ILDR2: variants seen among roughly 807,000 people sequenced by gnomAD.
The protein encoded by ILDR2 is immunoglobulin like domain containing receptor 2.
In ILDR2, 25 loss-of-function variants were observed where a neutral mutation model predicts 66.8. The ratio of observed to expected loss-of-function variants is 0.37; its 90% CI spans 0.27 to 0.52. The LOEUF is 0.52. ILDR2 is among the 20% of genes least tolerant of loss of function. The pLI, the probability that ILDR2 is intolerant of heterozygous loss-of-function variation, is 0.88. For missense variants in ILDR2, 827 were observed against 876.8 expected, an observed-to-expected ratio of 0.94 and a Z score of 0.72; for synonymous variants, 367 against 357.2, an observed-to-expected ratio of 1.03 and a Z score of -0.31.
At chr1:166,952,405 T>C (rs1662033758) in intron 3 of ILDR2, among the ~76,000 whole-genome samples, 2 of 152,354 alleles carry the variant, frequency 1.3e-5, no homozygotes, top group African/African-American at 4.8e-5. Flanking sequence ...CATTTCCATC[T>C]TCACAATGAC....
intron 7 of ILDR2, among the ~76,000 whole-genome samples, chr1:166,925,846 C>T (rs1419002939): frequency 6.6e-6 from 1 of 152,176 alleles, no homozygotes; most frequent in Non-Finnish European, 1.5e-5. Context: ...TTAGTTTTAA[C>T]CTTAGCTGTT....
In ILDR2 at chr1:166,912,588, T is replaced by G. The variant is rs1659494672; in HGVS notation, c.*6767A>C. ...AGTTAAATCTACATGTTAACATTTTTAAGTTAACTACTTAAAAAAAATTGA... is the reference window on the plus strand; with the variant it reads ...AGTTAAATCTACATGTTAACATTTTGAAGTTAACTACTTAAAAAAAATTGA... On this transcript the variant is annotated 3_prime_UTR_variant, in exon 10 of 10. Coordinates refer to ENST00000271417, the MANE Select transcript of ILDR2 (RefSeq NM_199351.3). 6.6e-6 allele frequency: 1 copy of G among 152,228 alleles called. No homozygotes were observed. The highest frequency in any genetic ancestry group is 6.5e-5 in the Admixed American group (1 of 15,280). The allele number at this position is 152,228 out of a possible 1,614,324, so 9.4% of individuals were successfully genotyped here.
intron 3 of ILDR2, among the ~76,000 whole-genome samples, chr1:166,948,118 A>G (rs1351865110): frequency 6.6e-6 from 1 of 152,150 alleles, no homozygotes; most frequent in Non-Finnish European, 1.5e-5. Context: ...ATAGGTCCCC[A>G]GGAACGAAAT....
chr1:166,970,253 T>C (rs1456336643), intron 1 of ILDR2, among the ~76,000 whole-genome samples: 1 of 152,196 alleles, frequency 6.6e-6, no homozygotes, highest in African/African-American at 2.4e-5. Context: ...GCTCCATTTG[T>C]TCTTCTGAAA....
intron 3 of ILDR2, chr1:166,943,831 G>A (rs1049560917): frequency 6.6e-5 from 65 of 985,132 alleles, no homozygotes; most frequent in Non-Finnish European, 7.7e-5. Flanking sequence ...GCAATTACAA[G>A]TCACTTTAAT....
chr1:166,906,403 T>A (rs1659350989), downstream of ILDR2, among the ~76,000 whole-genome samples: 1 of 152,052 alleles, frequency 6.6e-6, no homozygotes. Flanking sequence ...AGATGCAACA[T>A]CCAAGCTGAA....
rs1332469163 is a variant in ILDR2 at position 166,954,367 on chromosome 1, C to T, written c.499+2366G>A. Among the ~76,000 whole-genome samples, 8 of 152,132 alleles carry T rather than the reference C, an allele frequency of 5.3e-5. No homozygotes were observed. In the South Asian group the frequency reaches 1.5e-3, roughly 28 times the overall value. On this transcript the variant is annotated intron_variant, in intron 3 of 9. Coordinates refer to ENST00000271417, the MANE Select transcript of ILDR2 (RefSeq NM_199351.3). ...AATATTGTATAAAGGGATGTGAAGACAAAAAAGACTCAGAATTTTGTATTT... is the reference window on the plus strand; with the variant it reads ...AATATTGTATAAAGGGATGTGAAGATAAAAAAGACTCAGAATTTTGTATTT...
chr1:166,956,606 G>A (rs1181289125), intron 3 of ILDR2, 127 bp downstream of exon 3: 1 of 942,364 alleles, frequency 1.1e-6, no homozygotes, highest in Non-Finnish European at 1.6e-6. Context: ...AAAAGGGAGT[G>A]TGCATGAAAG....
In ILDR2 at chr1:166,964,191, A is replaced by G. The variant is rs79309243; in HGVS notation, c.47-6090T>C. 5.6e-3 allele frequency among the ~76,000 whole-genome samples: 860 copies of G among 152,286 alleles called. 10 individuals are homozygous for G. The highest frequency in any genetic ancestry group is 0.02 in the African/African-American group (820 of 41,558). The stretch of plus-strand genomic sequence containing the variant: ...CTCACTAAAAGAAGCACTAGAATTG[A>G]AGACCACAGGTGGTTTTCTGCTTTG... On this transcript the variant is annotated intron_variant, in intron 1 of 9. Coordinates refer to ENST00000271417, the MANE Select transcript of ILDR2 (RefSeq NM_199351.3).
At position 166,911,150 on chromosome 1, in the gene ILDR2, AAC is replaced by A. The variant is rs1659464495; in HGVS notation, c.*8203_*8204del. The A allele has an allele frequency of 6.6e-6, 1 of 152,168 alleles. No individual in the cohort carries two copies. The highest frequency in any genetic ancestry group is 1.5e-5 in the Non-Finnish European group (1 of 68,032). The allele number at this position is 152,168 out of a possible 1,614,324, so 9.4% of individuals were successfully genotyped here. ...CCTTCTGTTCACTCTTAAACCCTAA[AAC>A]AGTCTATGTCTATAATTAAGACAGC... On this transcript the variant is annotated 3_prime_UTR_variant, in exon 10 of 10. Coordinates refer to ENST00000271417, the MANE Select transcript of ILDR2 (RefSeq NM_199351.3).
chr1:166,934,837 C>T (rs1660846805), intron 6 of ILDR2, among the ~76,000 whole-genome samples: 1 of 152,224 alleles, frequency 6.6e-6, no homozygotes, highest in South Asian at 2.1e-4. Flanking sequence ...TGTGACCAGT[C>T]CAGTTCTTTC....
rs760622669 is a variant in ILDR2, at chr1:166,920,959, G to A, written c.1632C>T (p.Arg544=). Residue 544 remains arginine, a synonymous_variant, in exon 9 of 10, where the codon CGC becomes CGT. Transcript: ENST00000271417. ...ERQARPEGAS[R]GGSLETPSKR... The stretch of plus-strand genomic sequence containing the variant: ...TGGATGGCGTCTCCAGGCTGCCACC[G>A]CGGCTGGCGCCCTCGGGCCGCGCCT... 42 of 1,483,412 alleles carry A rather than the reference G, an allele frequency of 2.8e-5. No homozygotes were observed. In the East Asian group the frequency reaches 1.1e-3, roughly 39 times the overall value. The allele number at this position is 1,483,412 out of a possible 1,614,324, so 91.9% of individuals were successfully genotyped here. A position where few individuals can be genotyped will look rare whatever the true frequency, so the allele number is the denominator to read the frequency against.
intron 1 of ILDR2, among the ~76,000 whole-genome samples, chr1:166,972,051 A>C (rs1010633872): frequency 1.3e-5 from 2 of 152,038 alleles, no homozygotes; most frequent in Non-Finnish European, 2.9e-5. Flanking sequence ...AACTCTACTA[A>C]AAATACAAAA....
chr1:166,910,610 T>C lies in ILDR2; in HGVS notation c.*8745A>G, dbSNP rs1403283996. 6.6e-6 allele frequency: 1 copy of C among 152,236 alleles called. No homozygotes were observed. Among genetic ancestry groups the C allele is most frequent in the East Asian group, 1.9e-4 (1 of 5,194 alleles). 9.4% of individuals were successfully genotyped at this position (152,236 alleles called of 1,614,324 possible). ...ACTCACCTCTAAGCAACTTCCTAGC[T>C]ACTTCTACACCTCATGCCATTTTTG... is the stretch of plus-strand genomic sequence containing the variant. On this transcript the variant is annotated 3_prime_UTR_variant, in exon 10 of 10. Transcript: ENST00000271417.
chr1:166,974,650 TC>T (rs1407137519), intron 1 of ILDR2, among the ~76,000 whole-genome samples: 5 of 152,122 alleles, frequency 3.3e-5, no homozygotes, highest in African/African-American at 1.2e-4. Flanking sequence ...GGCTCTAAAC[TC>T]CACAACCAGT....
chr1:166,910,425 A>G lies in ILDR2; in HGVS notation c.*8930T>C, dbSNP rs758818685. 6 of 152,370 alleles carry G rather than the reference A, an allele frequency of 3.9e-5. No homozygotes were observed. The highest frequency in any genetic ancestry group is 3.4e-3 in the Middle Eastern group (1 of 294). The allele number at this position is 152,370 out of a possible 1,614,324, so 9.4% of individuals were successfully genotyped here. The stretch of plus-strand genomic sequence containing the variant: ...AATTTGTTTTTCAAAAGCCAAATTC[A>G]TCTATATAAATTCATATATAGCATT... On this transcript the variant is annotated 3_prime_UTR_variant, in exon 10 of 10. Coordinates refer to ENST00000271417, the MANE Select transcript of ILDR2 (RefSeq NM_199351.3).
chr1:166,943,947 G>T (rs866875156), intron 3 of ILDR2: 8 of 643,910 alleles, frequency 1.2e-5, no homozygotes, highest in African/African-American at 1.2e-4. Flanking sequence ...TTATGTAAGC[G>T]CTCAAACAGT....
At chr1:166,960,548 G>A (rs1359877647) in intron 1 of ILDR2, among the ~76,000 whole-genome samples, 9 of 152,176 alleles carry the variant, frequency 5.9e-5, no homozygotes, top group African/African-American at 2.2e-4. Flanking sequence ...CACCTTCAGA[G>A]AGGAGACTCA....
intron 7 of ILDR2, 117 bp from the exon 8 acceptor site, chr1:166,922,926 T>C: frequency 1.2e-6 from 1 of 839,970 alleles, no homozygotes; most frequent in Non-Finnish European, 1.9e-6. Context: ...CTCATTGCTG[T>C]CCAGGGTGGG....
Sources: allele counts gnomAD v4.1 joint callset (sites outside exome capture counted in the v4.1 genomes callset), GRCh38; gene constraint gnomAD v4.1.1; transcripts MANE v1.5; gene names NCBI Gene and HGNC (gene_info 2026-07-23, HGNC 2026-07-21).